The following RYR2 variants were observed in gnomAD, a reference collection of about 807,000 sequenced individuals.
The protein encoded by RYR2 is ryanodine receptor 2.
RYR2 carries 227 observed loss-of-function variants against 601.1 expected under a neutral mutation model. The observed-to-expected ratio is 0.38, with a 90% CI of 0.34 to 0.42. RYR2 has a LOEUF of 0.42. RYR2 is among the 10% of genes least tolerant of loss of function. RYR2 has a pLI of 1.00. For synonymous variants in RYR2, 2,223 were observed against 2,175.1 expected (o/e 1.02, Z -0.61); for missense variants, 4,646 against 6,156.5 (o/e 0.75, Z 8.21).
In RYR2 at chr1:237,679,733, G is replaced by A. The variant is rs558257740; in HGVS notation, c.8896-723G>A. On this transcript the variant is annotated intron_variant, in intron 61 of 104. Coordinates refer to ENST00000366574, the MANE Select transcript of RYR2 (RefSeq NM_001035.3). ...ATGATGTTATCAGAGCTCAGAATGT[G>A]GGACTTTATCTAGTTGAGATCAGCA... Among the ~76,000 whole-genome samples the A allele has an allele frequency of 4.6e-5, 7 of 152,306 alleles. No individual in the cohort carries two copies. The South Asian group carries it at 6.2e-4, about 14-fold the overall frequency.
chr1:237,307,771 G>A (rs896877267), intron 2 of RYR2, among the ~76,000 whole-genome samples: 1 of 152,184 alleles, frequency 6.6e-6, no homozygotes, highest in Non-Finnish European at 1.5e-5. Context: ...TTACATATAT[G>A]TAAGTTAATT....
At position 237,718,507 on chromosome 1, in the gene RYR2, C is replaced by A; in HGVS notation, c.10540C>A (p.His3514Asn). 1 of 1,594,204 alleles carries A rather than the reference C, an allele frequency of 6.3e-7. No homozygotes were observed. Among genetic ancestry groups the A allele is most frequent in the Non-Finnish European group, 8.6e-7 (1 of 1,162,820 alleles). Residue 3514 changes from histidine (H) to asparagine (N), a missense_variant, in exon 73 of 105, where the codon CAT (histidine) becomes AAT (asparagine). Coordinates refer to ENST00000366574, the MANE Select transcript of RYR2 (RefSeq NM_001035.3). Reference sequence around the variant, plus strand: ...ACGAGATATAATCCGCAGCAATATTCATTTACAAGGCAAGGTAAGCCAAAT... The same window carrying A: ...ACGAGATATAATCCGCAGCAATATTAATTTACAAGGCAAGGTAAGCCAAAT... ...EVRDIIRSNI[H>N]LQGKLEDPAI...
chr1:237,336,956 C>CA (rs1309305306), intron 3 of RYR2, among the ~76,000 whole-genome samples: 1 of 145,918 alleles, frequency 6.9e-6, no homozygotes, highest in Non-Finnish European at 1.5e-5. Context: ...TAAGAACATT[C>CA]AAAAATGCAT....
intron 10 of RYR2, among the ~76,000 whole-genome samples, chr1:237,406,157 T>TCCCTTCCCTCCCCTCCCCTC (rs1703853085): frequency 1.3e-4 from 4 of 30,258 alleles, no homozygotes; most frequent in Admixed American, 5.1e-4. Context: ...CCCCTCCCCT[T>TCCCTTCCCTCCCCTCCCCTC]CCCTTCCCTT....
intron 1 of RYR2, among the ~76,000 whole-genome samples, chr1:237,205,870 G>A (rs1310270070): frequency 6.6e-6 from 1 of 152,200 alleles, no homozygotes; most frequent in Non-Finnish European, 1.5e-5. Flanking sequence ...CCTACTGTCT[G>A]GACCTGGACC....
At chr1:237,756,257 C>G (rs1218854319) in intron 80 of RYR2, 31 bp from the exon 81 acceptor site, 1 of 1,457,974 alleles carries the variant, frequency 6.9e-7, no homozygotes. Flanking sequence ...TACTGATACC[C>G]TCAACATAAA....
chr1:237,056,724 G>A (rs904297809), intron 1 of RYR2, among the ~76,000 whole-genome samples: 1 of 149,892 alleles, frequency 6.7e-6, no homozygotes, highest in Non-Finnish European at 1.5e-5. Flanking sequence ...GCACCTGTGA[G>A]GACTGGAGCA....
At chr1:237,733,933 A>G (rs987077509) in intron 79 of RYR2, among the ~76,000 whole-genome samples, 177 bp downstream of exon 79, 1 of 152,180 alleles carries the variant, frequency 6.6e-6, no homozygotes. Context: ...CATTTTATTT[A>G]TGAGGAGCCA....
At chr1:237,486,408 AACT>A (rs1306563335) in intron 17 of RYR2, among the ~76,000 whole-genome samples, 1 of 152,160 alleles carries the variant, frequency 6.6e-6, no homozygotes, top group African/African-American at 2.4e-5. Context: ...TTCTAGTATA[AACT>A]CTCAGTACTG....
chr1:237,333,802 T>C lies in RYR2; in HGVS notation c.273+2820T>C, dbSNP rs114500010. Among the ~76,000 whole-genome samples the C allele has an allele frequency of 6.6e-3, 1,009 of 152,272 alleles. 18 individuals carry two copies. Among genetic ancestry groups the C allele is most frequent in the African/African-American group, 0.023 (952 of 41,540 alleles). On this transcript the variant is annotated intron_variant, in intron 3 of 104. Coordinates refer to ENST00000366574, the MANE Select transcript of RYR2 (RefSeq NM_001035.3). ...TATCTCCAGGTTAATAAATCATGTG[T>C]AGTTTGCTTAAATGAAGAGCCACTT...
At chr1:237,338,174 G>A (rs1318134694) in intron 3 of RYR2, among the ~76,000 whole-genome samples, 1 of 152,138 alleles carries the variant, frequency 6.6e-6, no homozygotes, top group African/African-American at 2.4e-5. Context: ...CGAGTAAGAT[G>A]TTATTGACAA....
rs1573300657 is a variant in RYR2 at position 237,643,333 on chromosome 1, C to A, written c.7228C>A (p.His2410Asn). 2 of 1,613,182 alleles carry A rather than the reference C, an allele frequency of 1.2e-6. No individual in the cohort carries two copies. The highest frequency in any genetic ancestry group is 1.7e-6 in the Non-Finnish European group (2 of 1,179,544). ...TTTTTTTTCCCCTGTATAGTTGATT[C>A]ATGCCGGGAAGGGAGAAGCCATCAG... ...GRCAPEMHLIHAGKGEAIRIR... is the reference protein window; with the variant it reads ...GRCAPEMHLINAGKGEAIRIR... The change falls in exon 48 of 105, where the codon CAT becomes AAT. Residue 2410 changes from histidine (H) to asparagine (N), a missense_variant. Around this residue, in one of 17 missense-constraint regions of RYR2, gnomAD observed 1,497 missense variants for 1,842.6 expected, o/e 0.81. Coordinates refer to ENST00000366574, the MANE Select transcript of RYR2 (RefSeq NM_001035.3).
intron 3 of RYR2, among the ~76,000 whole-genome samples, chr1:237,349,505 T>C (rs914475944): frequency 1.3e-5 from 2 of 152,108 alleles, no homozygotes; most frequent in Admixed American, 1.3e-4. Context: ...TAAGTAAATA[T>C]ATGGCCAAAT....
intron 25 of RYR2, among the ~76,000 whole-genome samples, chr1:237,545,449 C>T (rs943452577): frequency 2.0e-5 from 3 of 152,222 alleles, no homozygotes; most frequent in South Asian, 2.1e-4. Context: ...GCAATGGCTC[C>T]GATCAGTGAT....
intron 65 of RYR2, among the ~76,000 whole-genome samples, chr1:237,700,715 A>G (rs371070554): frequency 5.3e-5 from 8 of 152,182 alleles, no homozygotes. Flanking sequence ...TGACTTCCAC[A>G]TTGTTGAAGT....
intron 1 of RYR2, among the ~76,000 whole-genome samples, chr1:237,086,032 G>C (rs903161370): frequency 2.0e-5 from 3 of 152,242 alleles, no homozygotes; most frequent in Admixed American, 6.5e-5. Context: ...TGGGATTATA[G>C]GCGTGAGCCA....
Position 237,708,457 on chromosome 1 carries a change from G to T in RYR2, c.9902-401G>T, listed in dbSNP as rs74601991. On this transcript the variant is annotated intron_variant, in intron 68 of 104. Transcript: ENST00000366574. ...AACTCTTCCATTGTGCCAAGGATGG[G>T]GATAGTTAAAATGAGATAACTGTAT... Among the ~76,000 whole-genome samples the T allele has an allele frequency of 2.7e-3, 409 of 152,216 alleles. 1 individual carries two copies. Among genetic ancestry groups the T allele is most frequent in the African/African-American group, 9.0e-3 (374 of 41,522 alleles).
At chr1:237,659,634 C>T (rs901422066) in intron 54 of RYR2, among the ~76,000 whole-genome samples, 9 of 152,142 alleles carry the variant, frequency 5.9e-5, no homozygotes, top group African/African-American at 2.2e-4. Context: ...CTAGCCTCCT[C>T]CTGTGGGAAT....
chr1:237,281,144 A>G (rs1483175456), intron 2 of RYR2, among the ~76,000 whole-genome samples: 1 of 152,184 alleles, frequency 6.6e-6, no homozygotes, highest in Non-Finnish European at 1.5e-5. Flanking sequence ...GAGTGGTGAC[A>G]CAAAGGGCAA....
Sources: gnomAD v4.1 joint callset for allele counts (sites outside exome capture counted in the v4.1 genomes callset) on GRCh38, gnomAD v4.1.1 for gene constraint, gnomAD v4.1.1 regional missense constraint, MANE v1.5 for transcripts, NCBI Gene and HGNC (gene_info 2026-07-23, HGNC 2026-07-21) for gene names.